The following GPA33 variants were observed in gnomAD, a reference collection of about 807,000 sequenced individuals.
GPA33 encodes the protein glycoprotein A33.
GPA33 carries 27 observed loss-of-function variants against 35.6 expected under a neutral mutation model. That is an observed-to-expected ratio of 0.76 (90% CI 0.56 to 1.04). The LOEUF (loss-of-function observed/expected upper bound fraction) is 1.04. GPA33 is among the 50% of genes least tolerant of loss of function. The pLI, the probability that GPA33 is intolerant of heterozygous loss-of-function variation, is 0.00. For missense variants in GPA33, 428 were observed against 411.9 expected (o/e 1.04, Z -0.34); for synonymous variants, 176 against 164.0 (o/e 1.07, Z -0.56).
In GPA33 at chr1:167,065,750, C is replaced by G. The variant is rs1248550678; in HGVS notation, c.416-2013G>C. 2.6e-5 allele frequency among the ~76,000 whole-genome samples: 4 copies of G among 152,280 alleles called. No individual in the cohort carries two copies. The East Asian group carries it at 7.7e-4, about 29-fold the overall frequency. ...TCCTGCTGCCATAGTGAGGGCTGGC[C>G]AGGTGTGGGGCGAGCATGAGGGAAA... On this transcript the variant is annotated intron_variant, in intron 3 of 6. Transcript: ENST00000367868.
At chr1:167,056,664 T>C (rs549883186) in intron 4 of GPA33, among the ~76,000 whole-genome samples, 2 of 1,978 alleles carry the variant, frequency 1.0e-3, no homozygotes, top group African/African-American at 2.3e-3. Context: ...TGTGGTACGG[T>C]GAGTGTGTGA....
At chr1:167,070,673 T>A (rs1038062747) in intron 2 of GPA33, among the ~76,000 whole-genome samples, 1 of 152,110 alleles carries the variant, frequency 6.6e-6, no homozygotes, top group Non-Finnish European at 1.5e-5. Flanking sequence ...GAAAGTGACT[T>A]GGAAGGAGAA....
chr1:167,088,498 G>T (rs1667097838), intron 1 of GPA33, among the ~76,000 whole-genome samples: 1 of 152,164 alleles, frequency 6.6e-6, no homozygotes, highest in Non-Finnish European at 1.5e-5. Flanking sequence ...GTGATTCTGT[G>T]CTGGGCAGGC....
Position 167,055,719 on chromosome 1 carries a change from G to C in GPA33, c.691+11C>G. On this transcript the variant is annotated intron_variant, in intron 5 of 6. Transcript: ENST00000367868. ...GCGTTTGTCAGCCCTCCCCCCGCAGGCTGCTCTTACGAGATCTGACGGCCA... is the reference window on the plus strand; with the variant it reads ...GCGTTTGTCAGCCCTCCCCCCGCAGCCTGCTCTTACGAGATCTGACGGCCA... 6.2e-7 allele frequency: 1 copy of C among 1,613,672 alleles called. No individual in the cohort carries two copies.
Position 167,053,766 on chromosome 1 carries a change from G to T in GPA33, c.*568C>A. ...GCAGGAGTGGGAGGTGGCCTTCCCA[G>T]GAGGGTTTGGAACATACTGGCAGCT... On this transcript the variant is annotated 3_prime_UTR_variant, in exon 7 of 7. Transcript: ENST00000367868. 6.5e-6 allele frequency: 1 copy of T among 154,130 alleles called. No individual in the cohort carries two copies. Among genetic ancestry groups the T allele is most frequent in the Non-Finnish European group, 1.4e-5 (1 of 69,362 alleles). 9.5% of individuals were successfully genotyped at this position (154,130 alleles called of 1,614,324 possible).
rs145002135 is a variant in GPA33, at chr1:167,088,000, C to A, written c.43+2245G>T. ...TCCCTACTTTAAAAGCACGGCCTTG[C>A]GTTTGTGCCCCCTGCATGGAACCTT... On this transcript the variant is annotated intron_variant, in intron 1 of 6. Coordinates refer to ENST00000367868, the MANE Select transcript of GPA33 (RefSeq NM_005814.3). 5.9e-3 allele frequency among the ~76,000 whole-genome samples: 905 copies of A among 152,118 alleles called. 3 individuals carry two copies. Among genetic ancestry groups the A allele is most frequent in the Non-Finnish European group, 8.8e-3 (597 of 68,012 alleles).
At position 167,054,406 on chromosome 1, in the gene GPA33, C is replaced by T. The variant is rs886142733; in HGVS notation, c.888G>A (p.Glu296=). ...CTTCTTGCCTGTAGTCATCCTCCTC[C>T]TCCCTCTCTCTGGAAAGTTCTCTTA... ...EQLRELSRER[E]EEDDYRQEEQ... is the part of the protein sequence containing the mutation. Residue 296 remains glutamate, a synonymous_variant, in exon 7 of 7, where the codon GAG becomes GAA. Transcript: ENST00000367868. 2 of 1,614,040 alleles carry T rather than the reference C, an allele frequency of 1.2e-6. No individual in the cohort carries two copies. Among genetic ancestry groups the T allele is most frequent in the African/African-American group, 1.3e-5 (1 of 74,914 alleles).
At chr1:167,057,777 A>G (rs1464801359) in intron 4 of GPA33, among the ~76,000 whole-genome samples, 1 of 152,240 alleles carries the variant, frequency 6.6e-6, no homozygotes, top group Non-Finnish European at 1.5e-5. Context: ...TCTCCAATTC[A>G]TGGAGTTAAC....
At chr1:167,076,681 A>G (rs1666828788) in intron 1 of GPA33, among the ~76,000 whole-genome samples, 3 of 152,274 alleles carry the variant, frequency 2.0e-5, no homozygotes, top group South Asian at 4.1e-4. Context: ...ATCCGGGAGT[A>G]TTGGATATTG....
intron 4 of GPA33, among the ~76,000 whole-genome samples, chr1:167,059,567 G>A (rs12123175): frequency 7.9e-5 from 12 of 151,700 alleles, no homozygotes; most frequent in African/African-American, 2.7e-4. Context: ...TCCTTGGACT[G>A]GTCCCCACCC....
intron 2 of GPA33, among the ~76,000 whole-genome samples, chr1:167,069,624 T>A (rs1368755534): frequency 1.3e-5 from 2 of 152,254 alleles, no homozygotes; most frequent in Non-Finnish European, 1.5e-5. Context: ...AGACTCATCA[T>A]TTATCAAATT....
chr1:167,083,117 C>T (rs558627837), intron 1 of GPA33, among the ~76,000 whole-genome samples: 1 of 152,172 alleles, frequency 6.6e-6, no homozygotes, highest in Non-Finnish European at 1.5e-5. Flanking sequence ...ACTGAAACTT[C>T]CACCATTGAC....
Position 167,054,339 on chromosome 1 carries a change from G to T in GPA33, c.955C>A (p.Gln319Lys), listed in dbSNP as rs990013431. ...CGCCCTCTGCTGCTGGCCTGTCACT[G>T]GTCGAGGTGGTCCGGGGATTCACGC... Reference protein sequence around the residue: ...TGRESPDHLDQ With the variant: ...TGRESPDHLDK Residue 319 changes from glutamine to lysine, a missense_variant, in exon 7 of 7, where the codon CAG becomes AAG. Transcript: ENST00000367868. 1.2e-5 allele frequency: 20 copies of T among 1,613,966 alleles called. No homozygotes were observed. The South Asian group carries it at 2.1e-4, about 17-fold the overall frequency.
At chr1:167,087,127 G>C (rs942735811) in intron 1 of GPA33, among the ~76,000 whole-genome samples, 1 of 152,160 alleles carries the variant, frequency 6.6e-6, no homozygotes, top group African/African-American at 2.4e-5. Flanking sequence ...CTTGTGGAGG[G>C]GGCAGCGCAT....
chr1:167,076,902 C>T (rs536490572), intron 1 of GPA33, among the ~76,000 whole-genome samples: 2 of 152,228 alleles, frequency 1.3e-5, no homozygotes, highest in African/African-American at 2.4e-5. Flanking sequence ...CCACCACCTT[C>T]GTCTATCAGA....
intron 1 of GPA33, among the ~76,000 whole-genome samples, chr1:167,086,330 C>T (rs1417706106): frequency 1.3e-5 from 2 of 152,244 alleles, no homozygotes; most frequent in African/African-American, 4.8e-5. Flanking sequence ...CTTGCAGTTG[C>T]ATTTGCGGGC....
chr1:167,060,321 C>T (rs906103572), intron 4 of GPA33, among the ~76,000 whole-genome samples: 1 of 152,300 alleles, frequency 6.6e-6, no homozygotes, highest in South Asian at 2.1e-4. Flanking sequence ...GATCCACCCG[C>T]CTCAGCTTCT....
chr1:167,084,037 T>C (rs1297250854), intron 1 of GPA33, among the ~76,000 whole-genome samples: 1 of 152,112 alleles, frequency 6.6e-6, no homozygotes, highest in Non-Finnish European at 1.5e-5. Context: ...GCAACTCAAA[T>C]CACACCATAC....
intron 4 of GPA33, among the ~76,000 whole-genome samples, chr1:167,057,328 T>C (rs1666329336): frequency 6.6e-6 from 1 of 152,090 alleles, no homozygotes; most frequent in Non-Finnish European, 1.5e-5. Context: ...TGTCCTGCCA[T>C]CCAAGATGCT....
Sources: gnomAD v4.1 joint callset for allele counts (sites outside exome capture counted in the v4.1 genomes callset) on GRCh38, gnomAD v4.1.1 for gene constraint, MANE v1.5 for transcripts, NCBI Gene and HGNC (gene_info 2026-07-23, HGNC 2026-07-21) for gene names.